Variants in CDK5RAP1 observed in about 807,000 individuals in gnomAD.
The protein encoded by CDK5RAP1 is CDK5RAP1 mitochondrial tRNA methylthiotransferase, also known as mitochondrial tRNA methylthiotransferase CDK5RAP1.
In CDK5RAP1, 62 loss-of-function variants were observed where a neutral mutation model predicts 64.5. That is an observed-to-expected ratio of 0.96 (90% CI 0.78 to 1.19). The LOEUF (loss-of-function observed/expected upper bound fraction) is 1.19. CDK5RAP1 is among the 50% of genes most tolerant of loss of function. CDK5RAP1 has a pLI of 0.00. For missense variants in CDK5RAP1, 657 were observed against 735.0 expected, an observed-to-expected ratio of 0.89 and a Z score of 1.23; for synonymous variants, 250 against 261.9, an observed-to-expected ratio of 0.95 and a Z score of 0.44.
chr20:33,382,865 A>AAAAT (rs531222068), intron 7 of CDK5RAP1, among the ~76,000 whole-genome samples: 217 of 150,312 alleles, frequency 1.4e-3, no homozygotes, highest in Middle Eastern at 7.2e-3. Context: ...ACTCTGTCTC[A>AAAAT]AAATAAATAA....
chr20:33,379,821 T>C, intron 7 of CDK5RAP1, 130 bp from the exon 8 acceptor site: 1 of 666,706 alleles, frequency 1.5e-6, no homozygotes, highest in Non-Finnish European at 2.5e-6. Flanking sequence ...CTACCAAGAG[T>C]CACCTATAAG....
intron 7 of CDK5RAP1, among the ~76,000 whole-genome samples, chr20:33,383,198 A>G (rs1986982817): frequency 6.6e-6 from 1 of 152,118 alleles, no homozygotes; most frequent in Non-Finnish European, 1.5e-5. Flanking sequence ...AAATAAATAA[A>G]TAAATAATAA....
intron 7 of CDK5RAP1, 104 bp downstream of exon 7, chr20:33,385,546 C>T (rs1012311540): frequency 7.2e-7 from 1 of 1,397,478 alleles, no homozygotes; most frequent in Non-Finnish European, 9.8e-7. Context: ...AGGCATGGTC[C>T]TAAACTTTAA....
At chr20:33,374,469 TG>T (rs3841729) in intron 8 of CDK5RAP1, among the ~76,000 whole-genome samples, 103,586 of 151,826 alleles carry the variant, frequency 0.68, 35,504 homozygotes, top group Admixed American at 0.74. Context: ...ATTAAAGCCA[TG>T]GGAGCTGAAT....
rs1238170751 is a variant in CDK5RAP1, at chr20:33,366,990, T to C, written c.1411A>G (p.Arg471Gly). 1 of 1,612,242 alleles carries C rather than the reference T, an allele frequency of 6.2e-7. No homozygotes were observed. The highest frequency in any genetic ancestry group is 2.2e-5 in the East Asian group (1 of 44,846). The change falls in exon 12 of 14, where the codon AGG (arginine) becomes GGG (glycine). Residue 471 changes from arginine to glycine, a missense_variant. By Grantham distance (125) the Arg-to-Gly change is moderately radical (BLOSUM62 -2). Transcript: ENST00000346416. ...TCTTCCGGGACATCATCCTTCAGCCTATGATATGCCCGTGTCTTCTATTAA... is the reference window on the plus strand; with the variant it reads ...TCTTCCGGGACATCATCCTTCAGCCCATGATATGCCCGTGTCTTCTATTAA... ...SMRQKTRAYH[R>G]LKDDVPEEVK...
chr20:33,397,157 G>C, intron 1 of CDK5RAP1, 73 bp from the exon 2 acceptor site: 1 of 1,107,328 alleles, frequency 9.0e-7, no homozygotes, highest in Non-Finnish European at 1.3e-6. Flanking sequence ...AGCACTTCAA[G>C]TGTATACATC....
At chr20:33,392,948 C>T (rs1988485237) in intron 4 of CDK5RAP1, among the ~76,000 whole-genome samples, 2 of 151,436 alleles carry the variant, frequency 1.3e-5, no homozygotes, top group South Asian at 2.1e-4. Context: ...AGCGCGATCT[C>T]GGCTCACTGC....
chr20:33,370,914 A>G (rs867570511), intron 10 of CDK5RAP1, among the ~76,000 whole-genome samples: 1 of 152,198 alleles, frequency 6.6e-6, no homozygotes, highest in African/African-American at 2.4e-5. Context: ...CCACATTTTC[A>G]TATCAGTCCT....
chr20:33,387,350 G>C lies in CDK5RAP1; in HGVS notation c.728C>G (p.Thr243Arg), dbSNP rs1416874838. Residue 243 changes from threonine to arginine, a missense_variant, in exon 6 of 14, where the codon ACA becomes AGA. Coordinates refer to ENST00000346416, the MANE Select transcript of CDK5RAP1 (RefSeq NM_016408.4). ...ETYADVMPVQ[T>R]SASATSAFVS... Reference sequence around the variant, plus strand: ...AAAGGCAGACGTGGCACTGGCGCTTGTCTGGACTGGCATGACATCAGCATA... The same window carrying C: ...AAAGGCAGACGTGGCACTGGCGCTTCTCTGGACTGGCATGACATCAGCATA... The C allele has an allele frequency of 6.2e-7, 1 of 1,613,906 alleles. No homozygotes were observed. The highest frequency in any genetic ancestry group is 8.5e-7 in the Non-Finnish European group (1 of 1,179,980).
chr20:33,381,646 T>C (rs1986763179), intron 7 of CDK5RAP1, among the ~76,000 whole-genome samples: 1 of 152,152 alleles, frequency 6.6e-6, no homozygotes, highest in African/African-American at 2.4e-5. Flanking sequence ...CAGGCTAGTC[T>C]CAAACTCCGG....
At chr20:33,382,784 G>C (rs1032600735) in intron 7 of CDK5RAP1, among the ~76,000 whole-genome samples, 2 of 152,178 alleles carry the variant, frequency 1.3e-5, no homozygotes, top group African/African-American at 4.8e-5. Context: ...AGGATCACTT[G>C]AGTCCCGGGG....
rs1982685262 is a variant in CDK5RAP1 at position 33,360,390 on chromosome 20, G to A, written c.1644C>T (p.Leu548=). 1 of 1,614,096 alleles carries A rather than the reference G, an allele frequency of 6.2e-7. No individual in the cohort carries two copies. The highest frequency in any genetic ancestry group is 8.5e-7 in the Non-Finnish European group (1 of 1,179,992). Residue 548 remains leucine (L), a synonymous_variant, in exon 13 of 14, where the codon CTC becomes CTT. Transcript: ENST00000346416. ...AEMEDVNNPG[L]RVRAQPGDYV... ...AGTCCCCAGGCTGGGCTCTGACCCT[G>A]AGCCCAGGGTTATTGACATCCTCCA...
intron 12 of CDK5RAP1, among the ~76,000 whole-genome samples, chr20:33,365,806 A>G (rs1378203710): frequency 6.6e-6 from 1 of 152,168 alleles, no homozygotes; most frequent in Admixed American, 6.5e-5. Flanking sequence ...GCTGATGGCC[A>G]TAAAGTGCGC....
rs368904466 is a variant in CDK5RAP1 at position 33,367,013 on chromosome 20, TAAA to T, written c.1393-8_1393-6del. Reference sequence around the variant, plus strand: ...CCTATGATATGCCCGTGTCTTCTATTAAAAAAAAAAAAAAGAGAGAAGATGGAG... The same window carrying T: ...CCTATGATATGCCCGTGTCTTCTATTAAAAAAAAAAAGAGAGAAGATGGAG... On this transcript the variant is annotated splice_polypyrimidine_tract_variant and splice_region_variant and intron_variant, in intron 11 of 13. Transcript: ENST00000346416. 1.6e-4 allele frequency: 239 copies of T among 1,455,692 alleles called. No individual in the cohort carries two copies. The highest frequency in any genetic ancestry group is 3.3e-4 in the Admixed American group (16 of 48,546). 90.2% of individuals were successfully genotyped at this position (1,455,692 alleles called of 1,614,324 possible).
At chr20:33,387,813 T>G (rs1987649461) in intron 5 of CDK5RAP1, among the ~76,000 whole-genome samples, 1 of 151,998 alleles carries the variant, frequency 6.6e-6, no homozygotes. Context: ...ATGGCTGTAA[T>G]CCCCACACTT....
intron 4 of CDK5RAP1, among the ~76,000 whole-genome samples, chr20:33,393,771 A>G (rs534944983): frequency 7.2e-5 from 11 of 152,334 alleles, no homozygotes; most frequent in African/African-American, 2.6e-4. Flanking sequence ...GTCCTCATCT[A>G]TAACAGCACC....
Position 33,358,986 on chromosome 20 carries a change from T to C in CDK5RAP1, c.*57A>G. On this transcript the variant is annotated 3_prime_UTR_variant, in exon 14 of 14. Coordinates refer to ENST00000346416, the MANE Select transcript of CDK5RAP1 (RefSeq NM_016408.4). ...CCTGTTTCCTCAGTGGCAGGCAATG[T>C]CTCCCCTTCCTGTTGGGGAGGATTG... The C allele has an allele frequency of 7.9e-7, 1 of 1,261,578 alleles. No homozygotes were observed. The highest frequency in any genetic ancestry group is 1.2e-6 in the Non-Finnish European group (1 of 866,616). 78.1% of individuals were successfully genotyped at this position (1,261,578 alleles called of 1,614,324 possible). A position where few individuals can be genotyped will look rare whatever the true frequency, so the allele number is the denominator to read the frequency against.
intron 1 of CDK5RAP1, 52 bp downstream of exon 1, chr20:33,401,376 G>A: frequency 1.0e-6 from 1 of 984,696 alleles, no homozygotes; most frequent in Non-Finnish European, 1.2e-6. Context: ...TCCTGCCCCA[G>A]GCGCCAGTCA....
chr20:33,382,791 G>A (rs56397608), intron 7 of CDK5RAP1, among the ~76,000 whole-genome samples: 1,635 of 152,234 alleles, frequency 0.011, 13 homozygotes, highest in African/African-American at 0.014. Flanking sequence ...CTTGAGTCCC[G>A]GGGGCAGAGG....
Sources: allele counts gnomAD v4.1 joint callset (sites outside exome capture counted in the v4.1 genomes callset), GRCh38; gene constraint gnomAD v4.1.1; transcripts MANE v1.5; gene names NCBI Gene and HGNC (gene_info 2026-07-23, HGNC 2026-07-21).